AGBL4: variants seen among roughly 807,000 people sequenced by gnomAD.
AGBL4 encodes the protein AGBL carboxypeptidase 4.
A neutral mutation model predicts 66.4 loss-of-function variants in AGBL4; 58 were observed. The ratio of observed to expected loss-of-function variants is 0.87; its 90% CI spans 0.71 to 1.09. The LOEUF is 1.09. Ranked by LOEUF, AGBL4 falls within the 50% of genes least tolerant of loss-of-function variation. AGBL4 has a pLI of 0.00. For synonymous variants in AGBL4, 234 were observed against 222.9 expected, an observed-to-expected ratio of 1.05 and a Z score of -0.44; for missense variants, 579 against 631.0, an observed-to-expected ratio of 0.92 and a Z score of 0.88.
At chr1:49,230,661 T>G (rs1048070241) in intron 4 of AGBL4, among the ~76,000 whole-genome samples, 3 of 152,234 alleles carry the variant, frequency 2.0e-5, no homozygotes, top group Non-Finnish European at 4.4e-5. Flanking sequence ...GGAAATATAA[T>G]GGAAATATTG....
intron 2 of AGBL4, among the ~76,000 whole-genome samples, chr1:49,760,250 G>A (rs1328616889): frequency 1.3e-5 from 2 of 152,112 alleles, no homozygotes; most frequent in Admixed American, 1.3e-4. Flanking sequence ...TAGGTTGCCT[G>A]TTCACTCTGA....
intron 3 of AGBL4, among the ~76,000 whole-genome samples, chr1:49,403,924 TTTCAGATAATCA>T (rs1333870558): frequency 6.6e-6 from 1 of 152,210 alleles, no homozygotes; most frequent in Non-Finnish European, 1.5e-5. Context: ...CTGATAGATC[TTTCAGATAATCA>T]CCCTCTTCTA....
rs376505175 is a variant in AGBL4 at position 48,653,212 on chromosome 1, T to C, written c.839+125A>G. 2.4e-3 allele frequency: 1,684 copies of C among 701,014 alleles called. 56 individuals carry two copies. The South Asian group carries it at 0.036, about 15-fold the overall frequency. The allele number at this position is 701,014 out of a possible 1,614,324, so 43.4% of individuals were successfully genotyped here. On this transcript the variant is annotated intron_variant, in intron 8 of 13. Coordinates refer to ENST00000371839, the MANE Select transcript of AGBL4 (RefSeq NM_032785.4). The stretch of plus-strand genomic sequence containing the variant: ...AAATTCTCAAGAGCCAGGGTGAAAC[T>C]TTCTCTAATGAACTCATGGGCAGCC...
At chr1:49,863,050 A>G (rs911551301) in intron 1 of AGBL4, among the ~76,000 whole-genome samples, 1 of 152,190 alleles carries the variant, frequency 6.6e-6, no homozygotes, top group Non-Finnish European at 1.5e-5. Context: ...TTATACTACA[A>G]AACTACAGTA....
intron 2 of AGBL4, among the ~76,000 whole-genome samples, chr1:49,795,717 T>A (rs1644713945): frequency 6.6e-6 from 1 of 151,856 alleles, no homozygotes; most frequent in Admixed American, 6.6e-5. Context: ...AAGAGATAAA[T>A]TTTTCAATAA....
intron 3 of AGBL4, among the ~76,000 whole-genome samples, chr1:49,550,118 T>C (rs1652835852): frequency 3.9e-5 from 6 of 152,192 alleles, no homozygotes; most frequent in Admixed American, 3.3e-4. Context: ...TTACATTTGG[T>C]GTTCATATGC....
intron 3 of AGBL4, among the ~76,000 whole-genome samples, chr1:49,261,413 T>A (rs1012552829): frequency 6.6e-6 from 1 of 152,158 alleles, no homozygotes; most frequent in African/African-American, 2.4e-5. Flanking sequence ...GAAGACCCCA[T>A]TGGCTCAGCC....
chr1:48,613,308 A>T (rs930636530), intron 9 of AGBL4, among the ~76,000 whole-genome samples: 1 of 152,170 alleles, frequency 6.6e-6, no homozygotes, highest in East Asian at 1.9e-4. Flanking sequence ...TAATTTTTTC[A>T]GAATATTAAT....
chr1:49,642,208 A>G (rs149847302), intron 3 of AGBL4, among the ~76,000 whole-genome samples: 104 of 152,194 alleles, frequency 6.8e-4, no homozygotes, highest in Non-Finnish European at 1.1e-3. Context: ...TGAAGATAAA[A>G]CAATGGGCCT....
At position 49,593,723 on chromosome 1, in the gene AGBL4, A is replaced by G. The variant is rs113911717; in HGVS notation, c.282+103590T>C. Among the ~76,000 whole-genome samples, 5 of 152,284 alleles carry G rather than the reference A, an allele frequency of 3.3e-5. No homozygotes were observed. The South Asian group carries it at 1.0e-3, about 32-fold the overall frequency. On this transcript the variant is annotated intron_variant, in intron 3 of 13. Transcript: ENST00000371839. Reference sequence around the variant, plus strand: ...TTCATCCATAAAATGGGGATAAAATATTATTTCTCTCATATAGTTATAATA... The same window carrying G: ...TTCATCCATAAAATGGGGATAAAATGTTATTTCTCTCATATAGTTATAATA...
intron 3 of AGBL4, among the ~76,000 whole-genome samples, chr1:49,563,916 T>A (rs1295594551): frequency 6.6e-6 from 1 of 152,210 alleles, no homozygotes. Context: ...CTGGTAGAAT[T>A]TGGCTGTGAA....
intron 5 of AGBL4, among the ~76,000 whole-genome samples, chr1:48,932,421 A>G (rs113673343): frequency 3.9e-4 from 60 of 152,258 alleles, no homozygotes; most frequent in African/African-American, 1.3e-3. Flanking sequence ...GTTGAATTTG[A>G]AAGAATATGG....
chr1:48,546,864 A>AACACACACACACACACACAC (rs58136623), intron 11 of AGBL4, among the ~76,000 whole-genome samples: 15 of 128,374 alleles, frequency 1.2e-4, no homozygotes, highest in African/African-American at 2.9e-4. Flanking sequence ...AAAACAAACA[A>AACACACACACACACACACAC]ACACACACAC....
chr1:49,665,929 G>GT (rs563774076), intron 3 of AGBL4, among the ~76,000 whole-genome samples: 4,560 of 139,884 alleles, frequency 0.033, 158 homozygotes, highest in African/African-American at 0.096. Context: ...TGTGTCTTAA[G>GT]TTTTTTTTTT....
At chr1:49,086,847 C>A (rs1644916480) in intron 4 of AGBL4, among the ~76,000 whole-genome samples, 1 of 152,102 alleles carries the variant, frequency 6.6e-6, no homozygotes, top group Admixed American at 6.5e-5. Context: ...TGCCTGCCAA[C>A]TGTAGCCCCT....
chr1:49,702,608 G>A (rs544359080), intron 2 of AGBL4, among the ~76,000 whole-genome samples: 13 of 152,192 alleles, frequency 8.5e-5, no homozygotes, highest in African/African-American at 3.1e-4. Context: ...CCTAAAATCA[G>A]ATGGAGAGAT....
At chr1:49,511,265 C>T (rs1649217335) in intron 3 of AGBL4, among the ~76,000 whole-genome samples, 1 of 151,524 alleles carries the variant, frequency 6.6e-6, no homozygotes, top group African/African-American at 2.4e-5. Flanking sequence ...CCATGGAATA[C>T]TATGCAGCCA....
At chr1:48,891,332 A>T (rs1051337449) in intron 5 of AGBL4, among the ~76,000 whole-genome samples, 5 of 152,188 alleles carry the variant, frequency 3.3e-5, no homozygotes, top group Admixed American at 2.0e-4. Context: ...ATCAGAAAAA[A>T]GCTGAACTCA....
intron 3 of AGBL4, among the ~76,000 whole-genome samples, chr1:49,396,648 A>C (rs1314518894): frequency 1.3e-5 from 2 of 152,208 alleles, no homozygotes; most frequent in African/African-American, 4.8e-5. Flanking sequence ...AATAAGATAT[A>C]ATACTGTGTG....
Sources: allele counts gnomAD v4.1 joint callset (sites outside exome capture counted in the v4.1 genomes callset), GRCh38; gene constraint gnomAD v4.1.1; transcripts MANE v1.5; gene names NCBI Gene and HGNC (gene_info 2026-07-23, HGNC 2026-07-21).